Variants in DIS3L2 observed in about 807,000 individuals in gnomAD.
DIS3L2 encodes DIS3 like 3'-5' exoribonuclease 2.
In DIS3L2, 34 loss-of-function variants were observed where a neutral mutation model predicts 97.5. That is an observed-to-expected ratio of 0.35 (90% CI 0.27 to 0.46). The LOEUF (loss-of-function observed/expected upper bound fraction) is 0.46. DIS3L2 is among the 20% of genes least tolerant of loss of function. The pLI, the probability that DIS3L2 is intolerant of heterozygous loss-of-function variation, is 1.00. For missense variants in DIS3L2, 1,038 were observed against 1,146.0 expected, an observed-to-expected ratio of 0.91 and a Z score of 1.36; for synonymous variants, 435 against 445.2, an observed-to-expected ratio of 0.98 and a Z score of 0.29.
At chr2:232,167,165 GT>G (rs1466485244) in intron 9 of DIS3L2, among the ~76,000 whole-genome samples, 1 of 152,000 alleles carries the variant, frequency 6.6e-6, no homozygotes, top group African/African-American at 2.4e-5. Context: ...AATGTCTGAA[GT>G]TTAGAAATTA....
At chr2:232,192,392 A>G (rs1024939412) in intron 9 of DIS3L2, among the ~76,000 whole-genome samples, 1 of 152,132 alleles carries the variant, frequency 6.6e-6, no homozygotes, top group Non-Finnish European at 1.5e-5. Context: ...CGGTCCTCAT[A>G]TGTCTCCACC....
chr2:232,025,040 G>T (rs112157951), intron 4 of DIS3L2, among the ~76,000 whole-genome samples: 2 of 152,128 alleles, frequency 1.3e-5, no homozygotes, highest in Non-Finnish European at 2.9e-5. Context: ...TTTTCACAGT[G>T]AAAGAGACCA....
intron 5 of DIS3L2, among the ~76,000 whole-genome samples, chr2:232,082,838 A>G (rs964644532): frequency 1.3e-5 from 2 of 152,176 alleles, no homozygotes; most frequent in African/African-American, 4.8e-5. Context: ...CCATTTTCAT[A>G]ATGTTGATAA....
At chr2:231,974,244 G>T (rs1559506401) in intron 1 of DIS3L2, among the ~76,000 whole-genome samples, 1 of 152,236 alleles carries the variant, frequency 6.6e-6, no homozygotes, top group Non-Finnish European at 1.5e-5. Flanking sequence ...GCCAAAAAGG[G>T]ACAGGGGAGG....
At chr2:232,110,679 T>C (rs1400824965) in intron 6 of DIS3L2, among the ~76,000 whole-genome samples, 1 of 152,008 alleles carries the variant, frequency 6.6e-6, no homozygotes, top group Non-Finnish European at 1.5e-5. Context: ...AGGGGAACAA[T>C]ACACACCGGG....
chr2:232,025,937 A>G (rs1197954916), intron 4 of DIS3L2, among the ~76,000 whole-genome samples: 1 of 152,178 alleles, frequency 6.6e-6, no homozygotes, highest in African/African-American at 2.4e-5. Flanking sequence ...AAGCATGAAA[A>G]TGTCACTCAA....
Position 232,292,927 on chromosome 2 carries a change from C to A in DIS3L2, c.1660-7113C>A, listed in dbSNP as rs984324726. On this transcript the variant is annotated intron_variant, in intron 13 of 20. Transcript: ENST00000325385. This position sits in a 1 kb window ranked among gnomAD's most constrained non-coding sequence, Gnocchi z 4.4. ...TTGGAAACTGTCCACCCAGGGAAGC[C>A]TGTTCCTGGGGAAAGGATTGGGTAG... Among the ~76,000 whole-genome samples the A allele has an allele frequency of 3.3e-5, 5 of 152,198 alleles. No individual in the cohort carries two copies. The highest frequency in any genetic ancestry group is 1.2e-4 in the African/African-American group (5 of 41,450).
downstream of DIS3L2, among the ~76,000 whole-genome samples, chr2:232,339,348 C>T (rs1424537269): frequency 6.6e-6 from 1 of 152,236 alleles, no homozygotes; most frequent in African/African-American, 2.4e-5. Context: ...GCAGCGGCTC[C>T]ACCACCCAGC....
intron 14 of DIS3L2, among the ~76,000 whole-genome samples, chr2:232,322,079 G>A (rs902375775): frequency 6.6e-6 from 1 of 152,232 alleles, no homozygotes; most frequent in Non-Finnish European, 1.5e-5. Context: ...TGGTAGTGAC[G>A]TAGCTGACTA....
At chr2:232,002,668 T>A (rs1160624588) in intron 1 of DIS3L2, among the ~76,000 whole-genome samples, 1 of 152,232 alleles carries the variant, frequency 6.6e-6, no homozygotes, top group African/African-American at 2.4e-5. Context: ...AACATCACTG[T>A]GGTTCCAAAA....
rs543526599 is a variant in DIS3L2, at chr2:232,087,153, A to G, written c.367-334A>G. Among the ~76,000 whole-genome samples the G allele has an allele frequency of 2.6e-5, 4 of 152,100 alleles. No individual in the cohort carries two copies. In the South Asian group the frequency reaches 8.3e-4, roughly 32 times the overall value. On this transcript the variant is annotated intron_variant, in intron 5 of 20. Transcript: ENST00000325385. ...TCCCTAACTTACTAATTGTTCCTAT[A>G]TGGTGAGGGTTTATGAAGCAGCATG...
In DIS3L2 at chr2:231,988,153, AGATT is replaced by A. The variant is rs749965795; in HGVS notation, c.-94+26390_-94+26393del. ...CCACCGCACCTGGCCTATTTTTCTT[AGATT>A]GTTTTCTCTGCTGTCTACCTGACGT... On this transcript the variant is annotated intron_variant, in intron 1 of 20. Coordinates refer to ENST00000325385, the MANE Select transcript of DIS3L2 (RefSeq NM_152383.5). 7.2e-5 allele frequency among the ~76,000 whole-genome samples: 11 copies of A among 152,192 alleles called. No homozygotes were observed. In the South Asian group the frequency reaches 2.1e-3, roughly 29 times the overall value.
Position 232,268,499 on chromosome 2 carries a change from C to T in DIS3L2, c.1659+5059C>T, listed in dbSNP as rs1693906139. Among the ~76,000 whole-genome samples the T allele has an allele frequency of 6.6e-6, 1 of 152,200 alleles. No individual in the cohort carries two copies. Among genetic ancestry groups the T allele is most frequent in the Admixed American group, 6.5e-5 (1 of 15,274 alleles). On this transcript the variant is annotated intron_variant, in intron 13 of 20. Coordinates refer to ENST00000325385, the MANE Select transcript of DIS3L2 (RefSeq NM_152383.5). This position sits in a 1 kb window ranked among gnomAD's most constrained non-coding sequence, Gnocchi z 4.1. ...TTAGGCTTTGTGGGCTGTGCAGTCT[C>T]TGTCTCTGCTACTCAACTCTGCTGT...
chr2:232,080,900 CAAA>C (rs34838591), intron 5 of DIS3L2, among the ~76,000 whole-genome samples: 26 of 116,278 alleles, frequency 2.2e-4, no homozygotes, highest in Admixed American at 2.6e-4. Flanking sequence ...AGCTCTGTCT[CAAA>C]AAAAAAAAAA....
At chr2:232,185,219 CA>C (rs1298192181) in intron 9 of DIS3L2, among the ~76,000 whole-genome samples, 1 of 152,130 alleles carries the variant, frequency 6.6e-6, no homozygotes, top group Non-Finnish European at 1.5e-5. Context: ...AACTTCAGCT[CA>C]TGTGAAAATG....
intron 14 of DIS3L2, 28 bp from the exon 15 acceptor site, chr2:232,329,785 T>TGCCGGGGGGGCCCCCCC: frequency 1.0e-6 from 1 of 967,134 alleles, no homozygotes; most frequent in Non-Finnish European, 1.5e-6. Context: ...ACCCCAGCGG[T>TGCCGGGGGGGCCCCCCC]CCCTCCCATC....
At chr2:232,329,785 T>TCCCCGGGGGGGGGGCCCCCCCC in intron 14 of DIS3L2, 28 bp from the exon 15 acceptor site, 1 of 967,142 alleles carries the variant, frequency 1.0e-6, no homozygotes. Context: ...ACCCCAGCGG[T>TCCCCGGGGGGGGGGCCCCCCCC]CCCTCCCATC....
chr2:232,325,139 C>G lies in DIS3L2; in HGVS notation c.1740-4674C>G, dbSNP rs534692236. Among the ~76,000 whole-genome samples the G allele has an allele frequency of 2.9e-4, 44 of 152,324 alleles. No individual in the cohort carries two copies. The highest frequency in any genetic ancestry group is 1.0e-3 in the Admixed American group (16 of 15,306). On this transcript the variant is annotated intron_variant, in intron 14 of 20. Coordinates refer to ENST00000325385, the MANE Select transcript of DIS3L2 (RefSeq NM_152383.5). The surrounding 1 kb of genome is among the most constrained non-coding windows in gnomAD (Gnocchi z 4.6). ...TCATCTCATCACCTCTGAGCCCTGC[C>G]AGGGTGAGAGCAGCCTTTCCCAGCA...
intron 1 of DIS3L2, among the ~76,000 whole-genome samples, chr2:232,009,418 G>A (rs965685141): frequency 6.6e-6 from 1 of 152,138 alleles, no homozygotes; most frequent in African/African-American, 2.4e-5. Flanking sequence ...GTTTCTCCAT[G>A]GAGTGTGTGT....
Sources: allele counts gnomAD v4.1 joint callset (sites outside exome capture counted in the v4.1 genomes callset), GRCh38; gene constraint gnomAD v4.1.1; non-coding constraint Gnocchi (gnomAD v3.1); transcripts MANE v1.5; gene names NCBI Gene and HGNC (gene_info 2026-07-23, HGNC 2026-07-21).